Variants in MARK2 observed in about 807,000 individuals in gnomAD.
The protein encoded by MARK2 is serine/threonine-protein kinase MARK2.
In MARK2, 16 loss-of-function variants were observed where a neutral mutation model predicts 89.8. That is an observed-to-expected ratio of 0.18 (90% CI 0.12 to 0.27). The LOEUF is 0.27. MARK2 is among the 10% of genes least tolerant of loss of function. MARK2 has a pLI of 1.00. For synonymous variants in MARK2, 382 were observed against 399.5 expected (o/e 0.96, Z 0.52); for missense variants, 621 against 1,049.9 (o/e 0.59, Z 5.65).
At chr11:63,874,212 C>G (rs1009061431) in intron 1 of MARK2, among the ~76,000 whole-genome samples, 1 of 152,346 alleles carries the variant, frequency 6.6e-6, no homozygotes, top group South Asian at 2.1e-4. Context: ...GCTGCCTTAT[C>G]CCCTCTGCCC....
intron 1 of MARK2, among the ~76,000 whole-genome samples, chr11:63,842,290 C>G (rs970350188): frequency 6.6e-6 from 1 of 150,464 alleles, no homozygotes; most frequent in African/African-American, 2.5e-5. Flanking sequence ...AATCTTGGCT[C>G]ACTGCAATCT....
At chr11:63,841,934 T>C (rs1242797461) in intron 1 of MARK2, among the ~76,000 whole-genome samples, 1 of 152,254 alleles carries the variant, frequency 6.6e-6, no homozygotes, top group Admixed American at 6.5e-5. Context: ...GATTCCATGA[T>C]AGCAGCAATC....
intron 1 of MARK2, among the ~76,000 whole-genome samples, chr11:63,856,643 C>G (rs930094508): frequency 6.6e-6 from 1 of 151,416 alleles, no homozygotes; most frequent in Non-Finnish European, 1.5e-5. Flanking sequence ...AGGCTGGTCT[C>G]GAACTCCTGG....
chr11:63,866,974 C>G (rs536970551), intron 1 of MARK2, among the ~76,000 whole-genome samples: 2 of 152,302 alleles, frequency 1.3e-5, no homozygotes, highest in Admixed American at 6.5e-5. Context: ...TTCCTCCCTG[C>G]TATCTTCCTG....
chr11:63,865,054 T>G (rs942819226), intron 1 of MARK2, among the ~76,000 whole-genome samples: 3 of 148,452 alleles, frequency 2.0e-5, no homozygotes, highest in Non-Finnish European at 4.5e-5. Context: ...TATGCCTGGC[T>G]AATTTTTTGC....
intron 1 of MARK2, among the ~76,000 whole-genome samples, chr11:63,870,256 G>C (rs138171903): frequency 6.6e-6 from 1 of 152,172 alleles, no homozygotes; most frequent in East Asian, 1.9e-4. Context: ...TTGTATTTTT[G>C]TGGAGACAGG....
intron 1 of MARK2, among the ~76,000 whole-genome samples, chr11:63,862,463 A>AG (rs55710140): frequency 0.59 from 89,473 of 151,898 alleles, 27,416 homozygotes; most frequent in East Asian, 0.89. Context: ...GATGTCTTGC[A>AG]GCGGAATTTA....
rs570172716 is a variant in MARK2, at chr11:63,904,656, T to C, written c.1677-130T>C. Reference sequence around the variant, plus strand: ...TCCTCAGTAGTCACACCCTTCCTTCTGTGTCCTCGTGATGGCTGCCTCTGC... The same window carrying C: ...TCCTCAGTAGTCACACCCTTCCTTCCGTGTCCTCGTGATGGCTGCCTCTGC... On this transcript the variant is annotated intron_variant, in intron 15 of 18. Transcript: ENST00000402010. This position sits in a 1 kb window ranked among gnomAD's most constrained non-coding sequence, Gnocchi z 6.3. The C allele has an allele frequency of 1.6e-5, 12 of 749,524 alleles. No homozygotes were observed. In the African/African-American group the frequency reaches 1.9e-4, roughly 12 times the overall value. 46.4% of individuals were successfully genotyped at this position (749,524 alleles called of 1,614,324 possible).
At chr11:63,880,144 T>TA (rs397967565) in intron 1 of MARK2, 23 of 151,654 alleles carry the variant, frequency 1.5e-4, no homozygotes, top group Admixed American at 5.3e-4. Context: ...TTTTTTTTTT[T>TA]AAGATCTCAT....
chr11:63,849,293 A>T (rs1416432976), intron 1 of MARK2, among the ~76,000 whole-genome samples: 1 of 152,164 alleles, frequency 6.6e-6, no homozygotes, highest in Admixed American at 6.6e-5. Context: ...TTTGCTCATG[A>T]AAGTTTGAAT....
At chr11:63,886,341 C>T (rs533173749) in intron 1 of MARK2, among the ~76,000 whole-genome samples, 5 of 151,954 alleles carry the variant, frequency 3.3e-5, no homozygotes, top group African/African-American at 9.6e-5. Context: ...CCAGGCTTGT[C>T]TCGAATTCCC....
At chr11:63,883,434 G>C (rs532898655) in intron 1 of MARK2, among the ~76,000 whole-genome samples, 2 of 152,144 alleles carry the variant, frequency 1.3e-5, no homozygotes, top group Non-Finnish European at 2.9e-5. Flanking sequence ...CAAATTTCTA[G>C]GTATTGTAGC....
intron 1 of MARK2, chr11:63,868,899 G>A (rs1277125956): frequency 8.8e-6 from 4 of 455,820 alleles, no homozygotes; most frequent in Non-Finnish European, 1.8e-5. Flanking sequence ...CCAGCTCAGC[G>A]CCTGATGATG....
At chr11:63,895,658 C>CTTTT (rs544118942) in intron 3 of MARK2, 25 bp downstream of exon 3, 353 of 1,162,874 alleles carry the variant, frequency 3.0e-4, no homozygotes, top group South Asian at 9.4e-4. Flanking sequence ...CCTCCTGTCC[C>CTTTT]TTTTTTTTTT....
At chr11:63,859,671 G>T (rs145272566) in intron 1 of MARK2, among the ~76,000 whole-genome samples, 7,809 of 148,946 alleles carry the variant, frequency 0.052, 681 homozygotes, top group African/African-American at 0.18. Flanking sequence ...CCACTCTGTC[G>T]CCCAGGCTGG....
Position 63,909,025 on chromosome 11 carries a change from G to A in MARK2, c.2155G>A (p.Asp719Asn). 6 of 1,598,964 alleles carry A rather than the reference G, an allele frequency of 3.8e-6. No homozygotes were observed. Among genetic ancestry groups the A allele is most frequent in the Non-Finnish European group, 4.3e-6 (5 of 1,167,576 alleles). The change falls in exon 19 of 19, where the codon GAC becomes AAC. Residue 719 changes from aspartate to asparagine, a missense_variant. By Grantham distance (23) the Asp-to-Asn change is conservative. This residue lies in a region of MARK2 where 49 missense variants were observed against 46.7 expected (regional missense o/e 1.05). Coordinates refer to ENST00000402010, the MANE Select transcript of MARK2 (RefSeq NM_001039469.3). ...EMMREIRKVL[D>N]ANSCQSELHE... ...GATGCGGGAGATCCGCAAGGTGCTG[G>A]ACGCGAACAGCTGCCAGAGCGAGCT...
rs891018268 is a variant in MARK2 at position 63,903,674 on chromosome 11, G to A, written c.1515-312G>A. Reference sequence around the variant, plus strand: ...GCAACACCCCACTCTTTCTGTAGAAGAAACTCTCCTGTTCTTAAAATTCTT... The same window carrying A: ...GCAACACCCCACTCTTTCTGTAGAAAAAACTCTCCTGTTCTTAAAATTCTT... On this transcript the variant is annotated intron_variant, in intron 14 of 18. Coordinates refer to ENST00000402010, the MANE Select transcript of MARK2 (RefSeq NM_001039469.3). This position sits in a 1 kb window ranked among gnomAD's most constrained non-coding sequence, Gnocchi z 5.1. 6.6e-6 allele frequency among the ~76,000 whole-genome samples: 1 copy of A among 152,138 alleles called. No homozygotes were observed. Among genetic ancestry groups the A allele is most frequent in the Non-Finnish European group, 1.5e-5 (1 of 68,022 alleles).
At chr11:63,876,563 G>A (rs1159441558) in intron 1 of MARK2, among the ~76,000 whole-genome samples, 3 of 152,182 alleles carry the variant, frequency 2.0e-5, no homozygotes, top group Admixed American at 6.5e-5. Context: ...GGGTAGCCGT[G>A]GCCTCTGGCC....
intron 1 of MARK2, among the ~76,000 whole-genome samples, chr11:63,864,550 G>A (rs573239798): frequency 2.6e-5 from 4 of 152,028 alleles, no homozygotes; most frequent in Admixed American, 1.3e-4. Flanking sequence ...GTGAGCCACC[G>A]TGCCTGGCTT....
Sources: allele counts gnomAD v4.1 joint callset (sites outside exome capture counted in the v4.1 genomes callset), GRCh38; gene constraint gnomAD v4.1.1; regional missense constraint gnomAD v4.1.1; non-coding constraint Gnocchi (gnomAD v3.1); transcripts MANE v1.5; gene names NCBI Gene and HGNC (gene_info 2026-07-23, HGNC 2026-07-21).